ZNF804B: variants seen among roughly 807,000 people sequenced by gnomAD.
ZNF804B encodes zinc finger protein 804B.
ZNF804B carries 80 observed loss-of-function variants against 101.4 expected under a neutral mutation model. That is an observed-to-expected ratio of 0.79 (90% CI 0.66 to 0.95). ZNF804B has a LOEUF of 0.95. Ranked by LOEUF, ZNF804B falls within the 40% of genes least tolerant of loss-of-function variation. The pLI, the probability that ZNF804B is intolerant of heterozygous loss-of-function variation, is 0.00. For synonymous variants in ZNF804B, 622 were observed against 558.8 expected (o/e 1.11, Z -1.59); for missense variants, 1,673 against 1,561.9 (o/e 1.07, Z -1.20).
At chr7:89,303,466 C>A (rs1332271809) in intron 2 of ZNF804B, among the ~76,000 whole-genome samples, 1 of 151,802 alleles carries the variant, frequency 6.6e-6, no homozygotes, top group Admixed American at 6.6e-5. Flanking sequence ...CAGAGGTTAC[C>A]AGCTAGGGCT....
At chr7:89,313,877 T>C (rs1790680239) in intron 2 of ZNF804B, among the ~76,000 whole-genome samples, 1 of 152,190 alleles carries the variant, frequency 6.6e-6, no homozygotes. Context: ...GTAGAGGTTA[T>C]GGAAGGTAAC....
chr7:89,233,026 A>G (rs541480797), intron 2 of ZNF804B, among the ~76,000 whole-genome samples: 1 of 151,744 alleles, frequency 6.6e-6, no homozygotes, highest in Non-Finnish European at 1.5e-5. Context: ...GGTTCACGCC[A>G]TTTTCCTGCC....
intron 1 of ZNF804B, among the ~76,000 whole-genome samples, chr7:88,942,298 A>G (rs578123305): frequency 6.6e-5 from 10 of 152,084 alleles, no homozygotes; most frequent in African/African-American, 2.4e-4. Context: ...CTGTCATACA[A>G]TTGGTGCTTA....
intron 1 of ZNF804B, among the ~76,000 whole-genome samples, chr7:89,089,052 T>C (rs1789846457): frequency 6.6e-6 from 1 of 150,712 alleles, no homozygotes; most frequent in Non-Finnish European, 1.5e-5. Context: ...TTTTCCTTTT[T>C]TTTTCTTTTT....
intron 1 of ZNF804B, among the ~76,000 whole-genome samples, chr7:89,049,481 T>C (rs1381023691): frequency 6.6e-6 from 1 of 152,150 alleles, no homozygotes; most frequent in African/African-American, 2.4e-5. Context: ...TGTGAATACT[T>C]ACACCACAGA....
intron 1 of ZNF804B, among the ~76,000 whole-genome samples, chr7:89,130,364 G>C (rs1790530000): frequency 6.6e-6 from 1 of 151,906 alleles, no homozygotes; most frequent in African/African-American, 2.4e-5. Flanking sequence ...TTCTGAAGGA[G>C]ACATTGACCA....
chr7:89,266,901 G>A (rs1000825641), intron 2 of ZNF804B, among the ~76,000 whole-genome samples: 1 of 152,052 alleles, frequency 6.6e-6, no homozygotes, highest in Admixed American at 6.6e-5. Flanking sequence ...GTCTTTGGGA[G>A]TGTTGGCAAT....
At chr7:88,920,230 G>T (rs193042818) in intron 1 of ZNF804B, among the ~76,000 whole-genome samples, 1 of 152,014 alleles carries the variant, frequency 6.6e-6, no homozygotes, top group African/African-American at 2.4e-5. Flanking sequence ...CTATGCAATT[G>T]TGTTGTTATT....
chr7:89,249,068 AT>A (rs1329027567), intron 2 of ZNF804B, among the ~76,000 whole-genome samples: 1 of 151,896 alleles, frequency 6.6e-6, no homozygotes, highest in African/African-American at 2.4e-5. Context: ...GCATTACATA[AT>A]AAAGTGTTTG....
intron 1 of ZNF804B, among the ~76,000 whole-genome samples, chr7:88,797,590 A>G (rs1790506843): frequency 6.6e-6 from 1 of 152,078 alleles, no homozygotes; most frequent in African/African-American, 2.4e-5. Context: ...TAACACAGCT[A>G]CTGATCAAAG....
rs557034062 is a variant in ZNF804B, at chr7:89,298,710, T to C, written c.250-28634T>C. ...TTGTAACTTTTTGTACAAATTTTAT[T>C]ATATTTGGTGCATATGTATTTTCAT... On this transcript the variant is annotated intron_variant, in intron 2 of 3. Coordinates refer to ENST00000333190, the MANE Select transcript of ZNF804B (RefSeq NM_181646.5). Among the ~76,000 whole-genome samples, 12 of 152,000 alleles carry C rather than the reference T, an allele frequency of 7.9e-5. 1 individual carries two copies. The highest frequency in any genetic ancestry group is 6.2e-4 in the South Asian group (3 of 4,834).
intron 1 of ZNF804B, among the ~76,000 whole-genome samples, chr7:89,139,736 C>T (rs1790689830): frequency 6.6e-6 from 1 of 152,126 alleles, no homozygotes; most frequent in Admixed American, 6.6e-5. Context: ...TTCTAATTCT[C>T]TTGCTGTGTC....
chr7:89,216,678 T>C (rs1788901960), intron 1 of ZNF804B, among the ~76,000 whole-genome samples: 1 of 152,206 alleles, frequency 6.6e-6, no homozygotes, highest in Non-Finnish European at 1.5e-5. Context: ...TACCCTCTTA[T>C]ATTTGGGCTT....
chr7:88,875,003 T>A (rs1372490428), intron 1 of ZNF804B, among the ~76,000 whole-genome samples: 4 of 127,344 alleles, frequency 3.1e-5, no homozygotes, highest in Admixed American at 8.4e-5. Context: ...GGATTAAGAA[T>A]CTCACTCAAA....
intron 2 of ZNF804B, among the ~76,000 whole-genome samples, chr7:89,298,790 G>A (rs1020381275): frequency 6.6e-6 from 1 of 151,714 alleles, no homozygotes. Flanking sequence ...GTAAATATAT[G>A]TTCAATTTTA....
intron 2 of ZNF804B, among the ~76,000 whole-genome samples, chr7:89,269,150 G>T (rs990449404): frequency 2.6e-5 from 4 of 151,984 alleles, no homozygotes; most frequent in Non-Finnish European, 5.9e-5. Flanking sequence ...TGCCATGTTG[G>T]TGTACTGCAC....
At chr7:89,330,286 G>A (rs1790959135) in intron 3 of ZNF804B, among the ~76,000 whole-genome samples, 1 of 151,580 alleles carries the variant, frequency 6.6e-6, no homozygotes, top group Non-Finnish European at 1.5e-5. Context: ...AGATGAATAA[G>A]TTTTGAGGAT....
At chr7:89,332,458 A>AAGG (rs1791000632) in intron 3 of ZNF804B, among the ~76,000 whole-genome samples, 1 of 151,752 alleles carries the variant, frequency 6.6e-6, no homozygotes, top group African/African-American at 2.4e-5. Context: ...GAACAAGAAA[A>AAGG]AGAATGCCAG....
At chr7:88,790,726 C>G (rs557995022) in intron 1 of ZNF804B, among the ~76,000 whole-genome samples, 18 of 152,118 alleles carry the variant, frequency 1.2e-4, no homozygotes, top group Admixed American at 7.2e-4. Context: ...CATGTCTTTG[C>G]TATTGTGAAT....
Sources: allele counts gnomAD v4.1 joint callset (sites outside exome capture counted in the v4.1 genomes callset), GRCh38; gene constraint gnomAD v4.1.1; transcripts MANE v1.5; gene names NCBI Gene and HGNC (gene_info 2026-07-23, HGNC 2026-07-21).